The following NSUN6 variants were observed in gnomAD, a reference collection of about 807,000 sequenced individuals.
NSUN6 encodes the protein NOP2/Sun RNA methyltransferase 6, also known as tRNA (cytosine(72)-C(5))-methyltransferase NSUN6.
Under a neutral mutation model 58.0 loss-of-function variants are expected in NSUN6, and 64 were observed. The ratio of observed to expected loss-of-function variants is 1.10; its 90% CI spans 0.90 to 1.36. NSUN6 has a LOEUF of 1.36. Ranked by LOEUF, NSUN6 falls within the 40% of genes most tolerant of loss-of-function variation. NSUN6 has a pLI of 0.00. For missense variants in NSUN6, 701 were observed against 550.1 expected, an observed-to-expected ratio of 1.27 and a Z score of -2.74; for synonymous variants, 231 against 193.9, an observed-to-expected ratio of 1.19 and a Z score of -1.59.
chr10:18,654,252 TGCC>T (rs751005623), upstream of NSUN6, among the ~76,000 whole-genome samples: 1,176 of 152,294 alleles, frequency 7.7e-3, 6 homozygotes, highest in Admixed American at 0.012. Context: ...CCTGCCACCA[TGCC>T]CAGCTAGACA....
chr10:18,634,559 G>A (rs991686777), intron 3 of NSUN6, among the ~76,000 whole-genome samples: 32 of 151,162 alleles, frequency 2.1e-4, no homozygotes, highest in African/African-American at 7.5e-4. Context: ...AGACCATCCC[G>A]GCTAACATGG....
chr10:18,608,079 T>C (rs1283693152), intron 6 of NSUN6, among the ~76,000 whole-genome samples: 2 of 152,162 alleles, frequency 1.3e-5, no homozygotes, highest in Non-Finnish European at 2.9e-5. Context: ...AAAACAGCTT[T>C]CACTAGAGAA....
intron 3 of NSUN6, among the ~76,000 whole-genome samples, chr10:18,624,138 C>T (rs2058705026): frequency 6.6e-6 from 1 of 151,384 alleles, no homozygotes; most frequent in African/African-American, 2.4e-5. Flanking sequence ...AAAGGAAAAA[C>T]CTCAAAAAAG....
At chr10:18,586,695 C>T (rs943844633) in intron 7 of NSUN6, among the ~76,000 whole-genome samples, 5 of 152,156 alleles carry the variant, frequency 3.3e-5, no homozygotes, top group Non-Finnish European at 7.3e-5. Flanking sequence ...TAGTGCAGAC[C>T]CAAAGAGTCA....
Position 18,606,256 on chromosome 10 carries a change from CT to C in NSUN6, c.657+3588del, listed in dbSNP as rs201828654. Reference sequence around the variant, plus strand: ...TCTCCAGGGGGTTATCATGTACCCCCTGATAAGGACACTTCATCTCTGTGGT... The same window carrying C: ...TCTCCAGGGGGTTATCATGTACCCCCGATAAGGACACTTCATCTCTGTGGT... On this transcript the variant is annotated intron_variant, in intron 6 of 10. Coordinates refer to ENST00000377304, the MANE Select transcript of NSUN6 (RefSeq NM_182543.5). Among the ~76,000 whole-genome samples, 434 of 152,248 alleles carry C rather than the reference CT, an allele frequency of 2.9e-3. 2 individuals are homozygous for C. The highest frequency in any genetic ancestry group is 0.01 in the African/African-American group (416 of 41,556).
intron 3 of NSUN6, among the ~76,000 whole-genome samples, chr10:18,627,976 C>A (rs2058882947): frequency 6.6e-6 from 1 of 152,242 alleles, no homozygotes; most frequent in South Asian, 2.1e-4. Context: ...AACAAATAGA[C>A]AGCAGTAACC....
chr10:18,570,593 T>G (rs2056294011), intron 8 of NSUN6, among the ~76,000 whole-genome samples: 1 of 150,970 alleles, frequency 6.6e-6, no homozygotes, highest in Non-Finnish European at 1.5e-5. Context: ...CATTCTCCAT[T>G]CCATTCCACT....
intron 3 of NSUN6, among the ~76,000 whole-genome samples, chr10:18,622,512 G>C (rs1280451936): frequency 6.6e-6 from 1 of 152,158 alleles, no homozygotes; most frequent in South Asian, 2.1e-4. Context: ...TCAGGAGTTC[G>C]AGACCAGCCT....
intron 1 of NSUN6, 138 bp from the exon 2 acceptor site, chr10:18,648,783 T>C: frequency 3.8e-6 from 2 of 532,086 alleles, no homozygotes; most frequent in Non-Finnish European, 6.7e-6. Context: ...GTTTATATGT[T>C]AATAGCAACT....
chr10:18,634,480 G>A (rs1394710367), intron 3 of NSUN6, among the ~76,000 whole-genome samples: 4 of 152,128 alleles, frequency 2.6e-5, no homozygotes, highest in African/African-American at 9.7e-5. Context: ...AACCGGGCCT[G>A]GTGGCTCACG....
At chr10:18,597,346 A>T (rs536704793) in intron 6 of NSUN6, among the ~76,000 whole-genome samples, 2 of 152,318 alleles carry the variant, frequency 1.3e-5, no homozygotes, top group African/African-American at 4.8e-5. Context: ...TATTTTGGAG[A>T]CAGAGTCTCA....
intron 3 of NSUN6, among the ~76,000 whole-genome samples, chr10:18,632,106 C>T (rs1319130597): frequency 6.6e-6 from 1 of 151,262 alleles, no homozygotes; most frequent in Non-Finnish European, 1.5e-5. Context: ...TGCCGCATAT[C>T]TACAACTATC....
At chr10:18,647,772 T>C (rs1316028247) in intron 2 of NSUN6, among the ~76,000 whole-genome samples, 1 of 129,238 alleles carries the variant, frequency 7.7e-6, no homozygotes, top group Non-Finnish European at 1.6e-5. Flanking sequence ...TCTCATTCCA[T>C]CGCCCAGGCT....
At chr10:18,574,384 C>T (rs111565600) in intron 8 of NSUN6, among the ~76,000 whole-genome samples, 1 of 151,982 alleles carries the variant, frequency 6.6e-6, no homozygotes, top group Non-Finnish European at 1.5e-5. Flanking sequence ...CATAGACCAC[C>T]GAAAATTCAC....
rs1483298333 is a variant in NSUN6, at chr10:18,564,659, C to T, written c.923-12688G>A. Reference sequence around the variant, plus strand: ...CCATTCCATTCCACACTGCATTCCACTCTCCATTGCATTCTGTTCTCCATT... The same window carrying T: ...CCATTCCATTCCACACTGCATTCCATTCTCCATTGCATTCTGTTCTCCATT... On this transcript the variant is annotated intron_variant, in intron 8 of 10. Transcript: ENST00000377304. 4.0e-5 allele frequency among the ~76,000 whole-genome samples: 6 copies of T among 150,622 alleles called. No individual in the cohort carries two copies. In the East Asian group the frequency reaches 9.9e-4, roughly 25 times the overall value.
intron 6 of NSUN6, among the ~76,000 whole-genome samples, chr10:18,597,235 C>T (rs989104665): frequency 3.3e-5 from 5 of 152,048 alleles, no homozygotes; most frequent in African/African-American, 9.7e-5. Flanking sequence ...AGAATGATAG[C>T]CTTGAATAAA....
intron 6 of NSUN6, among the ~76,000 whole-genome samples, chr10:18,609,265 T>C (rs911424347): frequency 6.6e-6 from 1 of 152,102 alleles, no homozygotes; most frequent in African/African-American, 2.4e-5. Context: ...GAGCTACGAT[T>C]GTACCACTGC....
At chr10:18,632,195 T>C (rs973798086) in intron 3 of NSUN6, among the ~76,000 whole-genome samples, 1 of 152,114 alleles carries the variant, frequency 6.6e-6, no homozygotes, top group Non-Finnish European at 1.5e-5. Context: ...CAAAACTGGC[T>C]AGCCATATGT....
intron 3 of NSUN6, among the ~76,000 whole-genome samples, chr10:18,636,359 A>C (rs1480061638): frequency 9.0e-6 from 1 of 110,886 alleles, no homozygotes; most frequent in African/African-American, 3.9e-5. Context: ...TGACAATGTT[A>C]AAAAAAAAAA....
Sources: allele counts gnomAD v4.1 joint callset (sites outside exome capture counted in the v4.1 genomes callset), GRCh38; gene constraint gnomAD v4.1.1; transcripts MANE v1.5; gene names NCBI Gene and HGNC (gene_info 2026-07-23, HGNC 2026-07-21).